The following FRK variants were observed in gnomAD, a reference collection of about 807,000 sequenced individuals.
The protein encoded by FRK is tyrosine-protein kinase FRK.
Under a neutral mutation model 56.4 loss-of-function variants are expected in FRK, and 51 were observed. That is an observed-to-expected ratio of 0.90 (90% CI 0.72 to 1.14). The LOEUF is 1.14. Among genes scored for constraint, FRK ranks in the 50% most tolerant of loss-of-function variants. The pLI is 0.00. For missense variants in FRK, 570 were observed against 601.4 expected, an observed-to-expected ratio of 0.95 and a Z score of 0.55; for synonymous variants, 245 against 217.9, an observed-to-expected ratio of 1.12 and a Z score of -1.10.
At chr6:115,953,478 C>T (rs1258680965) in intron 5 of FRK, among the ~76,000 whole-genome samples, 2 of 152,100 alleles carry the variant, frequency 1.3e-5, no homozygotes, top group African/African-American at 4.8e-5. Context: ...CGTGAGCCAC[C>T]GCGCCCGGCC....
At chr6:116,004,075 G>C (rs1775165031) in intron 1 of FRK, 77 bp from the exon 2 acceptor site, 1 of 1,282,568 alleles carries the variant, frequency 7.8e-7, no homozygotes, top group African/African-American at 1.5e-5. Flanking sequence ...TGGCAAGATA[G>C]TATTCTAATA....
intron 1 of FRK, among the ~76,000 whole-genome samples, chr6:116,055,514 C>T (rs1028010597): frequency 6.6e-6 from 1 of 152,198 alleles, no homozygotes; most frequent in Non-Finnish European, 1.5e-5. Context: ...ACAAGAGATA[C>T]AAAGACACCA....
At chr6:115,979,194 G>A (rs1047418277) in intron 2 of FRK, among the ~76,000 whole-genome samples, 1 of 152,188 alleles carries the variant, frequency 6.6e-6, no homozygotes, top group African/African-American at 2.4e-5. Flanking sequence ...GGAGAGGACA[G>A]CTCCATGGGT....
chr6:116,041,136 C>G, intron 1 of FRK, among the ~76,000 whole-genome samples: 1 of 152,178 alleles, frequency 6.6e-6, no homozygotes, highest in East Asian at 1.9e-4. Flanking sequence ...CTGAGTTAGA[C>G]TTTGATAAAA....
chr6:115,983,741 G>A lies in FRK; in HGVS notation c.467-15002C>T, dbSNP rs139113012. 2.1e-4 allele frequency among the ~76,000 whole-genome samples: 32 copies of A among 152,184 alleles called. No homozygotes were observed. In the East Asian group the frequency reaches 3.3e-3, roughly 16 times the overall value. On this transcript the variant is annotated intron_variant, in intron 2 of 7. Transcript: ENST00000606080. Reference sequence around the variant, plus strand: ...TCCTCTGCACTGCCACCACCTTGCTGTTTCTCTGCCTAGAGTGTTTCAGTA... The same window carrying A: ...TCCTCTGCACTGCCACCACCTTGCTATTTCTCTGCCTAGAGTGTTTCAGTA...
the FRK span, among the ~76,000 whole-genome samples, chr6:116,067,500 C>T: frequency 1.1e-4 from 17 of 152,154 alleles, no homozygotes; most frequent in Admixed American, 2.0e-4. Context: ...AGTGAGATGG[C>T]GGCTTCATCT....
At position 116,060,251 on chromosome 6, in the gene FRK, T is replaced by G; in HGVS notation, c.61A>C (p.Thr21Pro). 6.2e-7 allele frequency: 1 copy of G among 1,614,174 alleles called. No homozygotes were observed. The highest frequency in any genetic ancestry group is 2.2e-5 in the East Asian group (1 of 44,878). ...YLEPYLPCLSTEADKSTVIEN... is the reference protein window; with the variant it reads ...YLEPYLPCLSPEADKSTVIEN... ...ATCACGGTTGACTTGTCTGCCTCCG[T>G]GGACAAACAGGGGAGATAGGGTTCT... Residue 21 changes from threonine (T) to proline (P), a missense_variant, in exon 1 of 8, where the codon ACG becomes CCG. Physicochemically the swap from Thr to Pro is conservative, Grantham distance 38. Coordinates refer to ENST00000606080, the MANE Select transcript of FRK (RefSeq NM_002031.3).
At chr6:115,957,726 A>G (rs1019392507) in intron 4 of FRK, among the ~76,000 whole-genome samples, 1 of 152,226 alleles carries the variant, frequency 6.6e-6, no homozygotes, top group Non-Finnish European at 1.5e-5. Context: ...TTGAGAACCC[A>G]GAAGTTCAGA....
At chr6:116,074,538 A>T in the FRK span, among the ~76,000 whole-genome samples, 1 of 152,228 alleles carries the variant, frequency 6.6e-6, no homozygotes, top group African/African-American at 2.4e-5. Context: ...TTATTTATTT[A>T]AAAATATATT....
chr6:115,953,441 G>A (rs375807114), intron 5 of FRK, among the ~76,000 whole-genome samples: 12 of 151,786 alleles, frequency 7.9e-5, no homozygotes, highest in Non-Finnish European at 1.3e-4. Flanking sequence ...CGCCCGCCTC[G>A]GCCTCCCAAA....
intron 1 of FRK, 24 bp downstream of exon 1, chr6:116,059,944 T>C (rs1358341363): frequency 6.4e-7 from 1 of 1,572,990 alleles, no homozygotes; most frequent in Admixed American, 1.7e-5. Flanking sequence ...GTTCAGAAAT[T>C]AAGTATAAGT....
intron 1 of FRK, among the ~76,000 whole-genome samples, chr6:116,051,913 C>T (rs528390163): frequency 4.9e-4 from 75 of 152,196 alleles, no homozygotes; most frequent in African/African-American, 1.7e-3. Context: ...ATATTTCATA[C>T]ACATAATAAT....
At chr6:116,062,713 G>A (rs1444954108), upstream of FRK, among the ~76,000 whole-genome samples, 1 of 152,126 alleles carries the variant, frequency 6.6e-6, no homozygotes, top group Admixed American at 6.5e-5. Flanking sequence ...GTGAGCAATG[G>A]CCTGAGAACG....
chr6:116,080,934 GT>G, the FRK span, among the ~76,000 whole-genome samples: 1 of 152,192 alleles, frequency 6.6e-6, no homozygotes, highest in Non-Finnish European at 1.5e-5. Flanking sequence ...CCAAGACTGG[GT>G]AATTTATAAA....
intron 1 of FRK, among the ~76,000 whole-genome samples, chr6:116,005,958 A>T (rs921346208): frequency 6.6e-6 from 1 of 152,188 alleles, no homozygotes; most frequent in Non-Finnish European, 1.5e-5. Flanking sequence ...GGACTAGGGA[A>T]GTTTTCTTTA....
the FRK span, among the ~76,000 whole-genome samples, chr6:116,100,696 C>G: frequency 2.0e-5 from 3 of 152,170 alleles, no homozygotes; most frequent in Non-Finnish European, 1.5e-5. Context: ...AGGACGCGAG[C>G]TGACTACCTG....
rs926426402 is a variant in FRK at position 115,941,830 on chromosome 6, A to T, written c.*584T>A. Reference sequence around the variant, plus strand: ...AAGACTTCGTTTTCTCAACAGCTGCATCATTTTTTTATGCATAGAAAAAAA... The same window carrying T: ...AAGACTTCGTTTTCTCAACAGCTGCTTCATTTTTTTATGCATAGAAAAAAA... On this transcript the variant is annotated 3_prime_UTR_variant, in exon 8 of 8. Coordinates refer to ENST00000606080, the MANE Select transcript of FRK (RefSeq NM_002031.3). The T allele has an allele frequency of 6.5e-6, 1 of 152,676 alleles. No homozygotes were observed. The highest frequency in any genetic ancestry group is 1.5e-5 in the Non-Finnish European group (1 of 68,096). The allele number at this position is 152,676 out of a possible 1,614,324, so 9.5% of individuals were successfully genotyped here.
the FRK span, among the ~76,000 whole-genome samples, chr6:116,088,092 A>T: frequency 6.6e-6 from 1 of 152,278 alleles, no homozygotes; most frequent in East Asian, 1.9e-4. Flanking sequence ...TTCATGGGAC[A>T]TGCCAGCAGA....
chr6:116,053,644 C>T (rs1255590904), intron 1 of FRK, among the ~76,000 whole-genome samples: 1 of 152,058 alleles, frequency 6.6e-6, no homozygotes. Flanking sequence ...AATTTGGGTT[C>T]TAATCTTTAA....
Sources: gnomAD v4.1 joint callset for allele counts (sites outside exome capture counted in the v4.1 genomes callset) on GRCh38, gnomAD v4.1.1 for gene constraint, MANE v1.5 for transcripts, NCBI Gene and HGNC (gene_info 2026-07-23, HGNC 2026-07-21) for gene names.